Variants in ZNF407 observed in about 807,000 individuals in gnomAD.
ZNF407 encodes zinc finger protein 407.
Under a neutral mutation model 131.2 loss-of-function variants are expected in ZNF407, and 17 were observed. The ratio of observed to expected loss-of-function variants is 0.13; its 90% CI spans 0.09 to 0.19. ZNF407 has a LOEUF of 0.19. Among genes scored for constraint, ZNF407 ranks in the 10% least tolerant of loss-of-function variants. ZNF407 has a pLI of 1.00. For missense variants in ZNF407, 2,681 were observed against 2,830.6 expected, an observed-to-expected ratio of 0.95 and a Z score of 1.20; for synonymous variants, 1,156 against 1,062.0, an observed-to-expected ratio of 1.09 and a Z score of -1.72.
intron 3 of ZNF407, among the ~76,000 whole-genome samples, chr18:74,737,250 G>T (rs931102957): frequency 1.3e-5 from 2 of 152,126 alleles, no homozygotes. Context: ...AGCAGAGCTG[G>T]TGTTAATCAT....
chr18:74,643,901 C>A (rs915176109), intron 3 of ZNF407, among the ~76,000 whole-genome samples: 1 of 151,918 alleles, frequency 6.6e-6, no homozygotes, highest in Non-Finnish European at 1.5e-5. Flanking sequence ...GATACCATTA[C>A]CCCCTTTTGC....
chr18:74,897,040 A>C, intron 7 of ZNF407, among the ~76,000 whole-genome samples: 1 of 152,012 alleles, frequency 6.6e-6, no homozygotes, highest in Non-Finnish European at 1.5e-5. Context: ...AGCTTGCTTT[A>C]TTCATAATTT....
chr18:74,726,263 A>G (rs2144883272), intron 3 of ZNF407, among the ~76,000 whole-genome samples: 1 of 152,240 alleles, frequency 6.6e-6, no homozygotes, highest in Non-Finnish European at 1.5e-5. Flanking sequence ...TATGGCTGAG[A>G]GTCTAGTTTA....
chr18:75,002,689 C>T (rs1391271868), intron 8 of ZNF407, among the ~76,000 whole-genome samples: 1 of 151,906 alleles, frequency 6.6e-6, no homozygotes, highest in Non-Finnish European at 1.5e-5. Flanking sequence ...CCTGTAGTCC[C>T]AGCTACTCGG....
At chr18:74,752,442 C>T (rs1278966490) in intron 3 of ZNF407, among the ~76,000 whole-genome samples, 1 of 152,110 alleles carries the variant, frequency 6.6e-6, no homozygotes, top group Non-Finnish European at 1.5e-5. Flanking sequence ...GTCATGAAGT[C>T]CTTGCCCATG....
intron 3 of ZNF407, among the ~76,000 whole-genome samples, chr18:74,687,428 G>A (rs1967121378): frequency 1.3e-5 from 2 of 152,154 alleles, no homozygotes; most frequent in African/African-American, 4.8e-5. Context: ...TGTAGCATGA[G>A]GAAGGAGCTG....
intron 4 of ZNF407, among the ~76,000 whole-genome samples, chr18:74,850,314 C>T (rs1970763725): frequency 8.1e-6 from 1 of 122,808 alleles, no homozygotes; most frequent in African/African-American, 2.6e-5. Flanking sequence ...CAATTTTCCT[C>T]TTCTTTCCTT....
intron 3 of ZNF407, among the ~76,000 whole-genome samples, chr18:74,659,960 C>A (rs531055717): frequency 6.6e-6 from 1 of 151,866 alleles, no homozygotes; most frequent in African/African-American, 2.4e-5. Context: ...GTCAGGACAC[C>A]GGGCAAAACA....
intron 8 of ZNF407, among the ~76,000 whole-genome samples, chr18:75,011,822 A>G (rs1473893647): frequency 6.6e-6 from 1 of 152,164 alleles, no homozygotes; most frequent in Non-Finnish European, 1.5e-5. Flanking sequence ...AATTTGGTAT[A>G]TTTGTTTGAA....
chr18:75,042,455 T>A (rs1973384717), intron 8 of ZNF407, among the ~76,000 whole-genome samples: 1 of 152,188 alleles, frequency 6.6e-6, no homozygotes, highest in African/African-American at 2.4e-5. Flanking sequence ...ATTGTATAAT[T>A]AGAGTCCTAA....
chr18:74,848,742 A>G (rs1193790096), intron 4 of ZNF407, among the ~76,000 whole-genome samples: 1 of 152,170 alleles, frequency 6.6e-6, no homozygotes, highest in Non-Finnish European at 1.5e-5. Flanking sequence ...AGGTTGACAT[A>G]CTTTCATGTA....
intron 7 of ZNF407, among the ~76,000 whole-genome samples, chr18:74,897,793 G>T (rs1971472616): frequency 6.6e-6 from 1 of 152,180 alleles, no homozygotes; most frequent in Non-Finnish European, 1.5e-5. Context: ...TCTCCAGGAG[G>T]AGCTGACAGA....
chr18:74,957,352 G>T, intron 8 of ZNF407, among the ~76,000 whole-genome samples: 1 of 152,054 alleles, frequency 6.6e-6, no homozygotes, highest in South Asian at 2.1e-4. Context: ...TGCTTCACTC[G>T]CGGCCAGCTT....
At chr18:74,620,532 ATG>A (rs1200824276) in intron 1 of ZNF407, among the ~76,000 whole-genome samples, 5 of 4,670 alleles carry the variant, frequency 1.1e-3, no homozygotes, top group South Asian at 0.014. Context: ...GAAATATAAC[ATG>A]TGTGTCCTCT....
chr18:74,823,231 C>A (rs1214005925), intron 4 of ZNF407, among the ~76,000 whole-genome samples: 2 of 152,140 alleles, frequency 1.3e-5, no homozygotes, highest in Admixed American at 6.6e-5. Flanking sequence ...TGGAAAGGAA[C>A]AACCAGTACC....
intron 8 of ZNF407, among the ~76,000 whole-genome samples, chr18:74,984,482 T>G (rs1972629665): frequency 6.6e-6 from 1 of 152,242 alleles, no homozygotes; most frequent in Non-Finnish European, 1.5e-5. Flanking sequence ...TCAAATTGTA[T>G]GTAGTTTATG....
intron 3 of ZNF407, among the ~76,000 whole-genome samples, chr18:74,766,452 A>G (rs1399464819): frequency 6.6e-6 from 1 of 152,136 alleles, no homozygotes; most frequent in Non-Finnish European, 1.5e-5. Flanking sequence ...TGATGATGAG[A>G]TGATCTATGT....
chr18:74,784,861 A>G (rs1969674013), intron 4 of ZNF407, among the ~76,000 whole-genome samples: 1 of 152,248 alleles, frequency 6.6e-6, no homozygotes, highest in African/African-American at 2.4e-5. Flanking sequence ...ATCTTCTGTG[A>G]AAGCCAGGTG....
chr18:74,654,729 A>G (rs1392334706), intron 3 of ZNF407, among the ~76,000 whole-genome samples: 1 of 151,870 alleles, frequency 6.6e-6, no homozygotes, highest in Non-Finnish European at 1.5e-5. Context: ...TTTATCTTAT[A>G]TGTAAGATTG....
Sources: allele counts gnomAD v4.1 joint callset (sites outside exome capture counted in the v4.1 genomes callset), GRCh38; gene constraint gnomAD v4.1.1; transcripts MANE v1.5; gene names NCBI Gene and HGNC (gene_info 2026-07-23, HGNC 2026-07-21).